PLXND1: variants seen among roughly 807,000 people sequenced by gnomAD.
PLXND1 encodes the protein plexin D1, also known as plexin-D1.
PLXND1 carries 54 observed loss-of-function variants against 197.7 expected under a neutral mutation model. The observed-to-expected ratio is 0.27, with a 90% CI of 0.22 to 0.34. PLXND1 has a LOEUF of 0.34. PLXND1 is among the 10% of genes least tolerant of loss of function. The pLI, the probability that PLXND1 is intolerant of heterozygous loss-of-function variation, is 1.00. For synonymous variants in PLXND1, 1,180 were observed against 1,161.2 expected (o/e 1.02, Z -0.33); for missense variants, 2,127 against 2,699.2 (o/e 0.79, Z 4.70).
At chr3:129,590,472 A>T (rs1339927946) in intron 1 of PLXND1, among the ~76,000 whole-genome samples, 1 of 152,120 alleles carries the variant, frequency 6.6e-6, no homozygotes, top group Non-Finnish European at 1.5e-5. Context: ...GGTGGTGCAG[A>T]GGAGTGAAAA....
At chr3:129,583,218 T>G (rs959243879) in intron 8 of PLXND1, among the ~76,000 whole-genome samples, 1 of 152,088 alleles carries the variant, frequency 6.6e-6, no homozygotes, top group Non-Finnish European at 1.5e-5. Flanking sequence ...CCTACTGCAG[T>G]GGGGGTATAA....
In PLXND1 at chr3:129,577,172, C is replaced by T. The variant is rs1271726615; in HGVS notation, c.2346+1157G>A. Reference sequence around the variant, plus strand: ...CTCAGCCACCTCAGAACAGCACACCCGGCCCGTCCCAGAGCTCCCCAGGGT... The same window carrying T: ...CTCAGCCACCTCAGAACAGCACACCTGGCCCGTCCCAGAGCTCCCCAGGGT... On this transcript the variant is annotated intron_variant, in intron 9 of 35. Transcript: ENST00000324093. The surrounding 1 kb of genome is among the most constrained non-coding windows in gnomAD (Gnocchi z 5.0). Among the ~76,000 whole-genome samples the T allele has an allele frequency of 1.3e-5, 2 of 152,182 alleles. No homozygotes were observed. The highest frequency in any genetic ancestry group is 1.5e-5 in the Non-Finnish European group (1 of 68,022).
chr3:129,602,406 C>T (rs569164752), intron 1 of PLXND1, among the ~76,000 whole-genome samples: 179 of 152,328 alleles, frequency 1.2e-3, no homozygotes, highest in African/African-American at 4.1e-3. Context: ...TCCTCTTCTC[C>T]GGCCTCACCT....
At position 129,586,195 on chromosome 3, in the gene PLXND1, G is replaced by A. The variant is rs140865873; in HGVS notation, c.1698C>T (p.Cys566=). The A allele has an allele frequency of 4.2e-4, 668 of 1,605,064 alleles. 4 individuals carry two copies. The highest frequency in any genetic ancestry group is 2.5e-3 in the Middle Eastern group (15 of 5,952). The change falls in exon 4 of 36, where the codon TGC becomes TGT. Residue 566 remains cysteine (C), a synonymous_variant. Transcript: ENST00000324093. ...GDCVGAADAY[C]GWCALETRCT... ...ACCGCGTCTCCAGGGCACACCAGCCGCAGTAGGCGTCCGCCGCACCCACGC... is the reference window on the plus strand; with the variant it reads ...ACCGCGTCTCCAGGGCACACCAGCCACAGTAGGCGTCCGCCGCACCCACGC...
chr3:129,573,800 G>C, intron 12 of PLXND1, 55 bp from the exon 13 acceptor site: 4 of 1,578,488 alleles, frequency 2.5e-6, no homozygotes, highest in Non-Finnish European at 3.4e-6. Context: ...AGGCCAGCAG[G>C]CTTCTGCCCA....
chr3:129,556,573 G>T, intron 35 of PLXND1, 44 bp downstream of exon 35: 1 of 1,447,076 alleles, frequency 6.9e-7, no homozygotes, highest in Non-Finnish European at 9.7e-7. Flanking sequence ...TGAGTAGGAA[G>T]CTCACCTACC....
intron 1 of PLXND1, among the ~76,000 whole-genome samples, chr3:129,596,591 G>C (rs966105069): frequency 6.6e-6 from 1 of 152,142 alleles, no homozygotes; most frequent in Non-Finnish European, 1.5e-5. Flanking sequence ...GTCTTTCCAA[G>C]CCCTGGAACA....
At chr3:129,605,301 C>A in intron 1 of PLXND1, 28 bp downstream of exon 1, 1 of 1,198,116 alleles carries the variant, frequency 8.3e-7, no homozygotes, top group Non-Finnish European at 1.1e-6. Context: ...CCGCCGCCGC[C>A]GCCGCCGCCG....
At chr3:129,572,570 C>A in intron 15 of PLXND1, 39 bp downstream of exon 15, 5 of 1,458,500 alleles carry the variant, frequency 3.4e-6, no homozygotes, top group Non-Finnish European at 4.5e-6. Context: ...CCATTGATTT[C>A]TCTGGGCTGG....
Position 129,586,708 on chromosome 3 carries a change from G to C in PLXND1, c.1500C>G (p.Asn500Lys). The C allele has an allele frequency of 6.3e-7, 1 of 1,599,762 alleles. No homozygotes were observed. The highest frequency in any genetic ancestry group is 1.3e-5 in the African/African-American group (1 of 74,882). The change falls in exon 3 of 36, where the codon AAC becomes AAG. Residue 500 changes from asparagine to lysine, a missense_variant. Coordinates refer to ENST00000324093, the MANE Select transcript of PLXND1 (RefSeq NM_015103.3). ...GCCTGCTCACCACCTGCATGCTCTC[G>C]TTCAGGTTGATCTGTGGGGGTAGTG... ...VNGRLLKINL[N>K]ESMQVVSRRV...
intron 19 of PLXND1, among the ~76,000 whole-genome samples, 188 bp from the exon 20 acceptor site, chr3:129,570,145 G>C (rs1305935101): frequency 6.6e-6 from 1 of 152,188 alleles, no homozygotes; most frequent in Non-Finnish European, 1.5e-5. Context: ...GGCTTGTCAA[G>C]CCCTTGGTCC....
Position 129,563,240 on chromosome 3 carries a change from C to T in PLXND1, c.4522G>A (p.Glu1508Lys). The T allele has an allele frequency of 6.2e-7, 1 of 1,609,258 alleles. No individual in the cohort carries two copies. The change falls in exon 26 of 36, where the codon GAG (glutamate) becomes AAG (lysine). Residue 1508 changes from glutamate to lysine, a missense_variant and splice_region_variant. Coordinates refer to ENST00000324093, the MANE Select transcript of PLXND1 (RefSeq NM_015103.3). The stretch of plus-strand genomic sequence containing the variant: ...AGGAAGAATGGCTCCCCCACCGTCT[C>T]CTGAGGGGCACGGGGGTATCAGGGC... ...MSICMYSCLR[E>K]TVGEPFFLLL...
intron 1 of PLXND1, among the ~76,000 whole-genome samples, chr3:129,598,204 C>T (rs201906584): frequency 6.6e-6 from 1 of 152,208 alleles, no homozygotes; most frequent in East Asian, 1.9e-4. Flanking sequence ...TTGCCCCTAT[C>T]GTGTGCTCTG....
Position 129,606,235 on chromosome 3 carries a change from GC to G in PLXND1, c.404del (p.Gly135AlafsTer3). The G allele has an allele frequency of 6.3e-7, 1 of 1,575,442 alleles. No homozygotes were observed. ...NKILQLDPGQ[G>X]LVVVCGSIYQ... ...AGATGGACCCGCACACGACTACCAG[GC>G]CCTGGCCGGGGTCCAGCTGCAGGAT... On this transcript the variant is annotated frameshift_variant, in exon 1 of 36. Transcript: ENST00000324093. LOFTEE classifies it high-confidence loss of function.
rs1456453318 is a variant in PLXND1, at chr3:129,589,472, A to G, written c.1367T>C (p.Ile456Thr). The G allele has an allele frequency of 2.5e-6, 4 of 1,609,840 alleles. No individual in the cohort carries two copies. Among genetic ancestry groups the G allele is most frequent in the Non-Finnish European group, 3.4e-6 (4 of 1,178,710 alleles). ...GAAHLQHPLS[I>T]LQPLKATPVF... ...GGGCGTGGCCTTCAGGGGCTGCAGG[A>G]TGGACAGCGGGTGCTGCAGGTGAGC... Residue 456 changes from isoleucine to threonine, a missense_variant, in exon 2 of 36, where the codon ATC (isoleucine) becomes ACC (threonine). By Grantham distance (89) the Ile-to-Thr change is moderately conservative. Transcript: ENST00000324093.
intron 24 of PLXND1, 66 bp from the exon 25 acceptor site, chr3:129,565,604 A>C: frequency 7.2e-7 from 1 of 1,388,968 alleles, no homozygotes; most frequent in Non-Finnish European, 1.0e-6. Context: ...CCAGGGTCTC[A>C]GTGCCGCCTC....
At chr3:129,605,268 CG>C in intron 1 of PLXND1, 60 bp downstream of exon 1, 84 of 471,670 alleles carry the variant, frequency 1.8e-4, no homozygotes, top group Non-Finnish European at 2.4e-4. Flanking sequence ...GGTTCCCGCC[CG>C]CCCCCGCCCC....
At position 129,569,888 on chromosome 3, in the gene PLXND1, C is replaced by T. The variant is rs748190414; in HGVS notation, c.3820G>A (p.Val1274Met). 2.3e-5 allele frequency: 37 copies of T among 1,613,034 alleles called. No homozygotes were observed. Among genetic ancestry groups the T allele is most frequent in the African/African-American group, 6.7e-5 (5 of 74,886 alleles). Residue 1274 changes from valine (V) to methionine (M), a missense_variant, in exon 20 of 36, where the codon GTG becomes ATG. Transcript: ENST00000324093. ...AGGACGCTGCAGATGACGATGGACA[C>T]GATGATGGCCGTCTCGCTGCCCCCC... is the stretch of plus-strand genomic sequence containing the variant. The part of the protein sequence containing the change: ...QLGGSETAII[V>M]SIVICSVLLL...
At chr3:129,560,981 C>T (rs1053709029) in intron 29 of PLXND1, 1 of 620,468 alleles carries the variant, frequency 1.6e-6, no homozygotes, top group Non-Finnish European at 3.0e-6. Flanking sequence ...AAGTGAGATC[C>T]AGAGACACAC....
Sources: allele counts gnomAD v4.1 joint callset (sites outside exome capture counted in the v4.1 genomes callset), GRCh38; gene constraint gnomAD v4.1.1; non-coding constraint Gnocchi (gnomAD v3.1); transcripts MANE v1.5; gene names NCBI Gene and HGNC (gene_info 2026-07-23, HGNC 2026-07-21).